The following SCAMP1 variants were observed in gnomAD, a reference collection of about 807,000 sequenced individuals.
SCAMP1 encodes secretory carrier-associated membrane protein 1.
SCAMP1 carries 15 observed loss-of-function variants against 41.8 expected under a neutral mutation model. The ratio of observed to expected loss-of-function variants is 0.36; its 90% CI spans 0.24 to 0.55. The LOEUF (loss-of-function observed/expected upper bound fraction) is 0.55, where lower values mean the gene tolerates loss of function less well. SCAMP1 is among the 20% of genes least tolerant of loss of function. SCAMP1 has a pLI of 0.86. For missense variants in SCAMP1, 341 were observed against 412.6 expected (o/e 0.83, Z 1.50); for synonymous variants, 135 against 136.8 (o/e 0.99, Z 0.09).
At chr5:78,401,290 C>A (rs1751790876) in intron 2 of SCAMP1, among the ~76,000 whole-genome samples, 2 of 151,990 alleles carry the variant, frequency 1.3e-5, no homozygotes, top group Non-Finnish European at 2.9e-5. Flanking sequence ...GAATATTGAT[C>A]TATAGTTTTT....
In SCAMP1 at chr5:78,454,327, G is replaced by A. The variant is rs572971303; in HGVS notation, c.734+4293G>A. On this transcript the variant is annotated intron_variant, in intron 7 of 8. Coordinates refer to ENST00000621999, the MANE Select transcript of SCAMP1 (RefSeq NM_004866.6). The stretch of plus-strand genomic sequence containing the variant: ...TGATATTGGCTGTGGGGTTGTCATA[G>A]ATAGCTCTTATTATTTTGAAATACG... Among the ~76,000 whole-genome samples the A allele has an allele frequency of 3.6e-3, 546 of 152,304 alleles. 6 individuals carry two copies. The highest frequency in any genetic ancestry group is 0.013 in the African/African-American group (527 of 41,558).
intron 6 of SCAMP1, among the ~76,000 whole-genome samples, chr5:78,438,545 G>A (rs188901037): frequency 6.6e-6 from 1 of 152,318 alleles, no homozygotes. Context: ...TCTTAATCCT[G>A]AGTTCCAGTT....
intron 6 of SCAMP1, among the ~76,000 whole-genome samples, chr5:78,424,467 T>C (rs1580684057): frequency 6.6e-6 from 1 of 152,020 alleles, no homozygotes; most frequent in African/African-American, 2.4e-5. Flanking sequence ...TGGTGGCTCA[T>C]GCCTGTAATC....
At chr5:78,377,966 G>A (rs963007921) in intron 1 of SCAMP1, among the ~76,000 whole-genome samples, 7 of 152,180 alleles carry the variant, frequency 4.6e-5, no homozygotes, top group African/African-American at 1.4e-4. Context: ...CCAGCAATCC[G>A]TAGCATAACA....
chr5:78,457,558 G>C, intron 7 of SCAMP1, among the ~76,000 whole-genome samples: 1 of 152,196 alleles, frequency 6.6e-6, no homozygotes, highest in East Asian at 1.9e-4. Flanking sequence ...ATCTCCAGCT[G>C]CGTGCTGGGA....
At chr5:78,449,910 T>G in intron 6 of SCAMP1, 23 bp from the exon 7 acceptor site, 1 of 1,369,756 alleles carries the variant, frequency 7.3e-7, no homozygotes, top group Non-Finnish European at 1.0e-6. Context: ...CCTTTTTTCT[T>G]TCTTTCTTTT....
intron 2 of SCAMP1, among the ~76,000 whole-genome samples, chr5:78,415,110 C>T (rs1464432921): frequency 1.3e-5 from 2 of 151,992 alleles, no homozygotes; most frequent in Admixed American, 6.6e-5. Context: ...CCCGCCACCA[C>T]ACCCGGCTAA....
At chr5:78,474,885 C>G (rs1375496422) in intron 8 of SCAMP1, among the ~76,000 whole-genome samples, 1 of 151,988 alleles carries the variant, frequency 6.6e-6, no homozygotes, top group African/African-American at 2.4e-5. Context: ...AAATAAATTC[C>G]AAGATTTGAG....
At position 78,460,812 on chromosome 5, in the gene SCAMP1, C is replaced by CTTTCTTTCTTTCTTTCTTTCTTT. The variant is rs1211929705; in HGVS notation, c.852+1450_852+1451insTTTCTTTCTTTCTTTCTTTCTTT. 1.1e-3 allele frequency among the ~76,000 whole-genome samples: 29 copies of CTTTCTTTCTTTCTTTCTTTCTTT among 25,530 alleles called. 1 individual carries two copies. The highest frequency in any genetic ancestry group is 2.1e-3 in the South Asian group (1 of 478). The allele number at this position is 25,530 out of a possible 152,430, so 16.7% of individuals were successfully genotyped here. ...TCCTTCCTTCCTTCCTTCCTCCCTTCCTTCCTTCCTTTCTTGTCTTTCCTC... is the reference window on the plus strand; with the variant it reads ...TCCTTCCTTCCTTCCTTCCTCCCTTCTTTCTTTCTTTCTTTCTTTCTTTCTTCCTTCCTTTCTTGTCTTTCCTC... On this transcript the variant is annotated intron_variant, in intron 8 of 8. Transcript: ENST00000621999.
At chr5:78,403,493 G>A (rs573834000) in intron 2 of SCAMP1, among the ~76,000 whole-genome samples, 5 of 149,132 alleles carry the variant, frequency 3.4e-5, no homozygotes, top group Admixed American at 2.7e-4. Context: ...TTTTCTCTTA[G>A]ACCATTTGAG....
intron 2 of SCAMP1, among the ~76,000 whole-genome samples, chr5:78,411,777 T>G (rs781376186): frequency 6.6e-5 from 10 of 152,160 alleles, no homozygotes; most frequent in Non-Finnish European, 1.3e-4. Context: ...CATAGGATAT[T>G]TTTAAAGACC....
intron 1 of SCAMP1, among the ~76,000 whole-genome samples, chr5:78,383,768 T>C (rs1751268853): frequency 6.6e-6 from 1 of 152,236 alleles, no homozygotes; most frequent in African/African-American, 2.4e-5. Context: ...TTCTGGGTTC[T>C]CTATTCCATT....
intron 6 of SCAMP1, among the ~76,000 whole-genome samples, chr5:78,430,654 C>G (rs761747485): frequency 6.6e-6 from 1 of 151,858 alleles, no homozygotes; most frequent in Non-Finnish European, 1.5e-5. Context: ...ATGTTCAGTA[C>G]TTTGTATTAT....
intron 6 of SCAMP1, among the ~76,000 whole-genome samples, chr5:78,444,311 C>T (rs749351126): frequency 2.4e-4 from 36 of 152,320 alleles, no homozygotes; most frequent in Non-Finnish European, 4.1e-4. Context: ...CACAGTTCCA[C>T]ATGGCTGGGG....
chr5:78,467,868 C>T (rs1343960311), intron 8 of SCAMP1, among the ~76,000 whole-genome samples: 4 of 152,128 alleles, frequency 2.6e-5, no homozygotes, highest in African/African-American at 9.7e-5. Context: ...TTTTCTGTTT[C>T]ACACTTGGTC....
At chr5:78,456,384 T>C (rs1318768647) in intron 7 of SCAMP1, among the ~76,000 whole-genome samples, 2 of 152,186 alleles carry the variant, frequency 1.3e-5, no homozygotes, top group African/African-American at 4.8e-5. Context: ...GGCCTGGTGG[T>C]GACAAAATCT....
At chr5:78,436,209 C>A (rs1247386976) in intron 6 of SCAMP1, among the ~76,000 whole-genome samples, 1 of 152,184 alleles carries the variant, frequency 6.6e-6, no homozygotes, top group Non-Finnish European at 1.5e-5. Flanking sequence ...TTTTGCCATG[C>A]AGAAGCTCTT....
At chr5:78,373,557 T>A (rs1404461630) in intron 1 of SCAMP1, among the ~76,000 whole-genome samples, 1 of 152,172 alleles carries the variant, frequency 6.6e-6, no homozygotes, top group Non-Finnish European at 1.5e-5. Context: ...ATGTTTATAT[T>A]CTCTAAATGT....
chr5:78,468,009 T>G (rs542403711), intron 8 of SCAMP1, among the ~76,000 whole-genome samples: 1 of 152,240 alleles, frequency 6.6e-6, no homozygotes, highest in South Asian at 2.1e-4. Context: ...GACTCTAGAA[T>G]TGTTGGGTTT....
Sources: gnomAD v4.1 joint callset for allele counts (sites outside exome capture counted in the v4.1 genomes callset) on GRCh38, gnomAD v4.1.1 for gene constraint, MANE v1.5 for transcripts, NCBI Gene and HGNC (gene_info 2026-07-23, HGNC 2026-07-21) for gene names.